The following GPI variants were observed in gnomAD, a reference collection of about 807,000 sequenced individuals.
GPI encodes the protein D-hexose-6-phosphate anomerase.
A neutral mutation model predicts 75.8 loss-of-function variants in GPI; 56 were observed. The ratio of observed to expected loss-of-function variants is 0.74; its 90% CI spans 0.60 to 0.92. GPI has a LOEUF of 0.92. Ranked by LOEUF, GPI falls within the 40% of genes least tolerant of loss-of-function variation. GPI has a pLI of 0.00. For synonymous variants in GPI, 288 were observed against 285.4 expected (o/e 1.01, Z -0.09); for missense variants, 638 against 741.0 (o/e 0.86, Z 1.61).
At chr19:34,394,309 G>A (rs1482945586) in intron 12 of GPI, among the ~76,000 whole-genome samples, 1 of 152,050 alleles carries the variant, frequency 6.6e-6, no homozygotes, top group African/African-American at 2.4e-5. Context: ...GCCCTGGCTA[G>A]GGAGGTCCTG....
intron 9 of GPI, among the ~76,000 whole-genome samples, chr19:34,387,403 G>C (rs1042593743): frequency 6.7e-6 from 1 of 148,860 alleles, no homozygotes; most frequent in Non-Finnish European, 1.5e-5. Context: ...TTACTTGGTT[G>C]TGTCAGTGAG....
chr19:34,393,658 AG>A lies in GPI; in HGVS notation c.866-68del. ...CCATGCAGCCTTCCTTCGTTGCAGAAGGAGCTGTGCCCACTGCCCACAGGAC... is the reference window on the plus strand; with the variant it reads ...CCATGCAGCCTTCCTTCGTTGCAGAAGAGCTGTGCCCACTGCCCACAGGAC... On this transcript the variant is annotated intron_variant, in intron 10 of 17. Transcript: ENST00000356487. This position sits in a 1 kb window ranked among gnomAD's most constrained non-coding sequence, Gnocchi z 4.4. 1 of 1,441,572 alleles carries A rather than the reference AG, an allele frequency of 6.9e-7. No individual in the cohort carries two copies. Among genetic ancestry groups the A allele is most frequent in the Non-Finnish European group, 9.8e-7 (1 of 1,023,580 alleles). 89.3% of individuals were successfully genotyped at this position (1,441,572 alleles called of 1,614,324 possible).
intron 4 of GPI, among the ~76,000 whole-genome samples, chr19:34,370,596 G>A (rs1159071859): frequency 1.3e-5 from 2 of 152,004 alleles, no homozygotes; most frequent in Admixed American, 6.6e-5. Context: ...ATGGTGGCGA[G>A]CACCTGTAAT....
In GPI at chr19:34,368,620, C is replaced by T. The variant is rs2145326403; in HGVS notation, c.320C>T (p.Ser107Leu). The T allele has an allele frequency of 1.2e-6, 2 of 1,614,066 alleles. No homozygotes were observed. The highest frequency in any genetic ancestry group is 1.6e-4 in the Middle Eastern group (1 of 6,062). ...AVLHVALRNR[S>L]NTPILVDGKD... ...CTGCACGTGGCTCTGCGGAACCGGTCAAACACACCCATCCTGGTAGACGGC... is the reference window on the plus strand; with the variant it reads ...CTGCACGTGGCTCTGCGGAACCGGTTAAACACACCCATCCTGGTAGACGGC... The change falls in exon 4 of 18, where the codon TCA becomes TTA. Residue 107 changes from serine (S) to leucine (L), a missense_variant. Transcript: ENST00000356487.
chr19:34,366,436 G>A lies in GPI; in HGVS notation c.213+1G>A. The A allele has an allele frequency of 6.2e-7, 1 of 1,605,922 alleles. No individual in the cohort carries two copies. ...CGTGATGCGGATGCTGGTGGACTTG[G>A]TAATGTTCTGCTTGGGGAGGCATAA... On this transcript the variant is annotated splice_donor_variant, in intron 2 of 17. Transcript: ENST00000356487. LOFTEE classifies it high-confidence loss of function.
chr19:34,392,972 G>C, intron 9 of GPI: 2 of 500,832 alleles, frequency 4.0e-6, no homozygotes, highest in East Asian at 7.6e-5. Context: ...TGAGGTCCTG[G>C]GTCTGCTGGT....
chr19:34,393,184 C>T lies in GPI; in HGVS notation c.805-64C>T. 1 of 1,299,840 alleles carries T rather than the reference C, an allele frequency of 7.7e-7. No individual in the cohort carries two copies. Among genetic ancestry groups the T allele is most frequent in the Non-Finnish European group, 1.1e-6 (1 of 894,092 alleles). 80.5% of individuals were successfully genotyped at this position (1,299,840 alleles called of 1,614,324 possible). ...CTGTGCAAGACCAGGGACAGGGTTT[C>T]CGGCAGGAGGTGGGGGGCGGGGTGT... On this transcript the variant is annotated intron_variant, in intron 9 of 17. Transcript: ENST00000356487. The surrounding 1 kb of genome is among the most constrained non-coding windows in gnomAD (Gnocchi z 4.4).
In GPI at chr19:34,393,900, T is replaced by C; in HGVS notation, c.910-14T>C. 5 of 1,613,484 alleles carry C rather than the reference T, an allele frequency of 3.1e-6. No homozygotes were observed. Among genetic ancestry groups the C allele is most frequent in the Non-Finnish European group, 4.2e-6 (5 of 1,179,864 alleles). On this transcript the variant is annotated splice_polypyrimidine_tract_variant and intron_variant, in intron 11 of 17. Transcript: ENST00000356487. The surrounding 1 kb of genome is among the most constrained non-coding windows in gnomAD (Gnocchi z 4.4). ...GCAGCTGCTCAGCTCCCACTCATCC[T>C]GCTCCTGTTTCAGGACCAGCACTTC...
chr19:34,388,779 G>A (rs1159153229), intron 9 of GPI, among the ~76,000 whole-genome samples: 1 of 152,174 alleles, frequency 6.6e-6, no homozygotes, highest in Non-Finnish European at 1.5e-5. Context: ...CAGAGGGCTG[G>A]CTGTGTGCTG....
chr19:34,365,412 GC>G (rs1251260281), intron 1 of GPI, 24 bp downstream of exon 1: 19 of 1,553,466 alleles, frequency 1.2e-5, no homozygotes, highest in Non-Finnish European at 1.6e-5. Flanking sequence ...GGAGGCGGGG[GC>G]TGCCACGCGC....
intron 4 of GPI, among the ~76,000 whole-genome samples, chr19:34,377,177 C>T (rs1321356283): frequency 2.0e-5 from 3 of 148,878 alleles, no homozygotes; most frequent in South Asian, 2.1e-4. Context: ...TGGCGGGCGC[C>T]TGTAGTCCCA....
chr19:34,386,398 C>T (rs1013116396), intron 9 of GPI, among the ~76,000 whole-genome samples: 1 of 151,486 alleles, frequency 6.6e-6, no homozygotes, highest in Non-Finnish European at 1.5e-5. Context: ...CACAGGTAGG[C>T]AGAGCTGGCC....
chr19:34,393,127 G>A lies in GPI; in HGVS notation c.805-121G>A. ...CCTGCCTGCTGCCTTGCTTCCTGGA[G>A]GTGGGTTGGGCCAGGGCCCTCCGAG... On this transcript the variant is annotated intron_variant, in intron 9 of 17. Coordinates refer to ENST00000356487, the MANE Select transcript of GPI (RefSeq NM_000175.5). The surrounding 1 kb of genome is among the most constrained non-coding windows in gnomAD (Gnocchi z 4.4). 1 of 778,820 alleles carries A rather than the reference G, an allele frequency of 1.3e-6. No homozygotes were observed. Among genetic ancestry groups the A allele is most frequent in the East Asian group, 2.5e-5 (1 of 39,874 alleles). 48.2% of individuals were successfully genotyped at this position (778,820 alleles called of 1,614,324 possible).
chr19:34,371,564 C>T (rs1239073700), intron 4 of GPI, among the ~76,000 whole-genome samples: 1 of 151,992 alleles, frequency 6.6e-6, no homozygotes, highest in Non-Finnish European at 1.5e-5. Flanking sequence ...AAGATAGACA[C>T]ATTTGGCTTG....
chr19:34,400,073 TTTC>T lies in GPI; in HGVS notation c.*39_*41del. The T allele has an allele frequency of 1.9e-6, 3 of 1,600,738 alleles. No individual in the cohort carries two copies. Among genetic ancestry groups the T allele is most frequent in the Non-Finnish European group, 2.5e-6 (3 of 1,176,720 alleles). On this transcript the variant is annotated 3_prime_UTR_variant, in exon 18 of 18. Coordinates refer to ENST00000356487, the MANE Select transcript of GPI (RefSeq NM_000175.5). The stretch of plus-strand genomic sequence containing the variant: ...TCTGCAGCCTCCTCTGTGACTCCCC[TTTC>T]TCTTCTCGTCCCTCCTCCCCGGAGC...
Position 34,378,954 on chromosome 19 carries a change from C to A in GPI, c.654C>A (p.Thr218=), listed in dbSNP as rs778199563. 3.7e-6 allele frequency: 6 copies of A among 1,614,168 alleles called. 1 individual carries two copies. The Admixed American group carries it at 6.7e-5, about 18-fold the overall frequency. ...IASKTFTTQE[T]ITNAETAKEW... Reference sequence around the variant, plus strand: ...TGCAGACCTTTACTACCCAGGAGACCATCACGAATGCAGAGACGGCGAAGG... The same window carrying A: ...TGCAGACCTTTACTACCCAGGAGACAATCACGAATGCAGAGACGGCGAAGG... The change falls in exon 7 of 18, where the codon ACC becomes ACA. Residue 218 remains threonine (T), a synonymous_variant. Coordinates refer to ENST00000356487, the MANE Select transcript of GPI (RefSeq NM_000175.5).
At chr19:34,377,635 G>A in intron 5 of GPI, 49 bp downstream of exon 5, 1 of 1,580,294 alleles carries the variant, frequency 6.3e-7, no homozygotes, top group Non-Finnish European at 8.7e-7. Context: ...GGCACTGTTG[G>A]TCCCACTCAG....
rs1284845050 is a variant in GPI, at chr19:34,399,699, CCT to C, written c.1475-19_1475-18del. ...ATGGGCTTGTGGAGCCCTGATGTGCCCTGTCTGTCACTTCTGCAGCCATGTAT... is the reference window on the plus strand; with the variant it reads ...ATGGGCTTGTGGAGCCCTGATGTGCCGTCTGTCACTTCTGCAGCCATGTAT... On this transcript the variant is annotated intron_variant, in intron 16 of 17. Coordinates refer to ENST00000356487, the MANE Select transcript of GPI (RefSeq NM_000175.5). The C allele has an allele frequency of 3.7e-6, 6 of 1,613,962 alleles. No individual in the cohort carries two copies. The highest frequency in any genetic ancestry group is 2.2e-5 in the South Asian group (2 of 91,068).
intron 9 of GPI, chr19:34,381,732 C>T: frequency 1.6e-6 from 1 of 626,310 alleles, no homozygotes; most frequent in Non-Finnish European, 2.9e-6. Context: ...GCTGAGCTTG[C>T]AGGGCCACAT....
Sources: allele counts gnomAD v4.1 joint callset (sites outside exome capture counted in the v4.1 genomes callset), GRCh38; gene constraint gnomAD v4.1.1; non-coding constraint Gnocchi (gnomAD v3.1); transcripts MANE v1.5; gene names NCBI Gene and HGNC (gene_info 2026-07-23, HGNC 2026-07-21).